The following ART3 variants were observed in gnomAD, a reference collection of about 807,000 sequenced individuals.
ART3 encodes the protein ecto-ADP-ribosyltransferase 3.
A neutral mutation model predicts 48.5 loss-of-function variants in ART3; 49 were observed. That is an observed-to-expected ratio of 1.01 (90% CI 0.80 to 1.28). The LOEUF (loss-of-function observed/expected upper bound fraction) is 1.28, where lower values mean the gene tolerates loss of function less well. Ranked by LOEUF, ART3 falls within the 50% of genes most tolerant of loss-of-function variation. The pLI is 0.00. For missense variants in ART3, 438 were observed against 454.3 expected, an observed-to-expected ratio of 0.96 and a Z score of 0.33; for synonymous variants, 145 against 157.2, an observed-to-expected ratio of 0.92 and a Z score of 0.58.
Position 76,012,437 on chromosome 4 carries a change from C to T in ART3, c.-10+1117C>T, listed in dbSNP as rs929940622. Among the ~76,000 whole-genome samples the T allele has an allele frequency of 5.9e-5, 9 of 152,014 alleles. No individual in the cohort carries two copies. In the East Asian group the frequency reaches 1.2e-3, roughly 20 times the overall value. ...GAGAATATTCTGATTTTTCTTTTTCCCTCTCCTCTCCCCACGCAGGGAGTC... is the reference window on the plus strand; with the variant it reads ...GAGAATATTCTGATTTTTCTTTTTCTCTCTCCTCTCCCCACGCAGGGAGTC... On this transcript the variant is annotated intron_variant, in intron 1 of 9. Transcript: ENST00000341029.
intron 1 of ART3, among the ~76,000 whole-genome samples, chr4:76,025,963 G>A (rs765083799): frequency 2.6e-5 from 4 of 151,988 alleles, no homozygotes; most frequent in Admixed American, 2.0e-4. Flanking sequence ...AAGTGATCAC[G>A]TCACTCTTCT....
chr4:76,079,052 G>A (rs1335558275), intron 2 of ART3, among the ~76,000 whole-genome samples: 1 of 152,002 alleles, frequency 6.6e-6, no homozygotes, highest in Non-Finnish European at 1.5e-5. Flanking sequence ...CTGCACTCCA[G>A]CCTGGGCGGC....
intron 1 of ART3, among the ~76,000 whole-genome samples, chr4:76,043,740 C>T (rs71629031): frequency 0.61 from 89,766 of 147,148 alleles, 28,847 homozygotes; most frequent in East Asian, 0.94. Context: ...TCCCACAGTG[C>T]AGCAGTGGGC....
chr4:76,016,331 T>TA (rs1478695487), intron 1 of ART3, among the ~76,000 whole-genome samples: 1 of 152,012 alleles, frequency 6.6e-6, no homozygotes, highest in Non-Finnish European at 1.5e-5. Flanking sequence ...CTCAAAGAGA[T>TA]ACCGCCTTGG....
intron 1 of ART3, among the ~76,000 whole-genome samples, chr4:76,049,495 G>T (rs1735826605): frequency 1.3e-5 from 2 of 151,932 alleles, no homozygotes; most frequent in South Asian, 4.2e-4. Flanking sequence ...AGCGGAAGCT[G>T]GTTCTAGGCA....
intron 2 of ART3, among the ~76,000 whole-genome samples, chr4:76,078,444 A>G (rs1029191139): frequency 1.3e-5 from 2 of 152,156 alleles, no homozygotes; most frequent in Non-Finnish European, 2.9e-5. Context: ...ACTCTGGTAC[A>G]TTCTGTGCTG....
At chr4:76,046,921 A>AG (rs1735563314) in intron 1 of ART3, among the ~76,000 whole-genome samples, 1 of 151,816 alleles carries the variant, frequency 6.6e-6, no homozygotes, top group Non-Finnish European at 1.5e-5. Flanking sequence ...AGGCCGCGCC[A>AG]GTGTCCAGGA....
intron 1 of ART3, among the ~76,000 whole-genome samples, chr4:76,036,385 T>G (rs1734408424): frequency 6.6e-6 from 1 of 152,176 alleles, no homozygotes; most frequent in African/African-American, 2.4e-5. Flanking sequence ...GTGTTTCTGT[T>G]TTTGGTCCTT....
chr4:76,018,807 C>T (rs1055856959), intron 1 of ART3, among the ~76,000 whole-genome samples: 7 of 151,890 alleles, frequency 4.6e-5, no homozygotes, highest in African/African-American at 1.7e-4. Context: ...GTGGGTGGAT[C>T]GCCTGAGCTC....
At chr4:76,031,181 CAG>C (rs1333023130) in intron 1 of ART3, among the ~76,000 whole-genome samples, 3 of 152,022 alleles carry the variant, frequency 2.0e-5, no homozygotes, top group Non-Finnish European at 4.4e-5. Context: ...TTAATTAAAT[CAG>C]GGGGAATATT....
At chr4:76,082,580 G>A in intron 3 of ART3, 45 bp downstream of exon 3, 2 of 1,468,462 alleles carry the variant, frequency 1.4e-6, no homozygotes, top group Non-Finnish European at 9.1e-7. Context: ...GGAAGGAGTG[G>A]GATTCTTAGG....
chr4:76,051,862 G>C lies in ART3; in HGVS notation c.-9-24019G>C, dbSNP rs1274169959. On this transcript the variant is annotated intron_variant, in intron 1 of 9. Coordinates refer to the ART3 transcript ENST00000341029. ...TGGCTGACAATGAATTTTAAATAAG[G>C]ATGTTTCTGAGTTTATGTTGTATCT... Among the ~76,000 whole-genome samples, 12 of 148,782 alleles carry C rather than the reference G, an allele frequency of 8.1e-5. No individual in the cohort carries two copies. The Admixed American group carries it at 8.1e-4, about 10-fold the overall frequency.
At chr4:76,019,027 G>A (rs1393656396) in intron 1 of ART3, among the ~76,000 whole-genome samples, 2 of 145,976 alleles carry the variant, frequency 1.4e-5, no homozygotes, top group Non-Finnish European at 3.0e-5. Context: ...GGGTGACAGA[G>A]TGAGACCCCA....
chr4:76,036,085 A>G, intron 1 of ART3: 1 of 1,100,812 alleles, frequency 9.1e-7, no homozygotes, highest in Non-Finnish European at 1.4e-6. Context: ...AAGGAAATTG[A>G]TAATTGGCAT....
chr4:76,106,978 G>A (rs774301316), intron 10 of ART3, among the ~76,000 whole-genome samples: 2 of 152,092 alleles, frequency 1.3e-5, no homozygotes, highest in Non-Finnish European at 1.5e-5. Context: ...CATACTTCAA[G>A]TACCCATACC....
intron 8 of ART3, among the ~76,000 whole-genome samples, chr4:76,102,740 A>G (rs1170754157): frequency 1.3e-5 from 2 of 151,998 alleles, no homozygotes; most frequent in Non-Finnish European, 2.9e-5. Flanking sequence ...AAGAATGAGT[A>G]GAGTATTTCC....
At chr4:76,072,082 A>G (rs1181277975), upstream of ART3, among the ~76,000 whole-genome samples, 1 of 152,036 alleles carries the variant, frequency 6.6e-6, no homozygotes, top group Non-Finnish European at 1.5e-5. Context: ...GCACCTGGCT[A>G]ATTTTTAAAA....
intron 1 of ART3, chr4:76,035,883 T>A (rs765701525): frequency 6.5e-7 from 1 of 1,535,902 alleles, no homozygotes; most frequent in African/African-American, 1.4e-5. Flanking sequence ...TTTGAAACAT[T>A]AGAAAAGGAA....
intron 3 of ART3, among the ~76,000 whole-genome samples, chr4:76,084,405 T>C (rs1723123690): frequency 6.6e-6 from 1 of 152,244 alleles, no homozygotes; most frequent in Non-Finnish European, 1.5e-5. Context: ...TAATAGTTTA[T>C]GTAGATTTGC....
Sources: gnomAD v4.1 joint callset for allele counts (sites outside exome capture counted in the v4.1 genomes callset) on GRCh38, gnomAD v4.1.1 for gene constraint, MANE v1.5 for transcripts, NCBI Gene and HGNC (gene_info 2026-07-23, HGNC 2026-07-21) for gene names.